Variants in CNTNAP2 observed in about 807,000 individuals in gnomAD.
The protein encoded by CNTNAP2 is contactin associated protein 2.
Under a neutral mutation model 155.2 loss-of-function variants are expected in CNTNAP2, and 98 were observed. The ratio of observed to expected loss-of-function variants is 0.63; its 90% CI spans 0.54 to 0.75. CNTNAP2 has a LOEUF of 0.75. Ranked by LOEUF, CNTNAP2 falls within the 30% of genes least tolerant of loss-of-function variation. CNTNAP2 has a pLI of 0.00. For synonymous variants in CNTNAP2, 651 were observed against 631.2 expected, an observed-to-expected ratio of 1.03 and a Z score of -0.47; for missense variants, 1,727 against 1,688.1, an observed-to-expected ratio of 1.02 and a Z score of -0.40.
intron 21 of CNTNAP2, among the ~76,000 whole-genome samples, chr7:148,272,185 C>T (rs1312844876): frequency 2.0e-5 from 3 of 152,136 alleles, no homozygotes; most frequent in Non-Finnish European, 4.4e-5. Flanking sequence ...ACTTTTAGAA[C>T]GGATTCTTAC....
chr7:148,208,197 G>A (rs771952407), intron 18 of CNTNAP2, among the ~76,000 whole-genome samples: 10 of 152,150 alleles, frequency 6.6e-5, no homozygotes, highest in African/African-American at 1.4e-4. Flanking sequence ...AAAAGGTTAC[G>A]AGGCAATGCA....
chr7:146,594,694 A>C (rs540638582), intron 1 of CNTNAP2, among the ~76,000 whole-genome samples: 3 of 152,228 alleles, frequency 2.0e-5, no homozygotes, highest in African/African-American at 7.2e-5. Context: ...AGATGCTTTA[A>C]AAATAAATTA....
chr7:146,564,766 A>T (rs1337213825), intron 1 of CNTNAP2, among the ~76,000 whole-genome samples: 1 of 151,698 alleles, frequency 6.6e-6, no homozygotes. Flanking sequence ...TTAGATTTAG[A>T]TCTTCTTTCT....
intron 17 of CNTNAP2, among the ~76,000 whole-genome samples, chr7:148,168,447 C>A (rs1296828692): frequency 1.3e-5 from 2 of 151,496 alleles, no homozygotes; most frequent in African/African-American, 2.4e-5. Context: ...TCATTCTCAG[C>A]AAACTGTTGC....
intron 3 of CNTNAP2, among the ~76,000 whole-genome samples, chr7:146,924,913 G>A (rs563592100): frequency 1.3e-5 from 2 of 152,160 alleles, no homozygotes; most frequent in African/African-American, 2.4e-5. Flanking sequence ...GCCAAGAATT[G>A]TGATTCCATA....
intron 1 of CNTNAP2, among the ~76,000 whole-genome samples, chr7:146,315,151 G>A (rs1055100326): frequency 6.6e-6 from 1 of 152,184 alleles, no homozygotes; most frequent in African/African-American, 2.4e-5. Flanking sequence ...GGGAACTGCT[G>A]TGAAGCCAAA....
Position 146,213,399 on chromosome 7 carries a change from A to G in CNTNAP2, c.97+96426A>G, listed in dbSNP as rs114723502. On this transcript the variant is annotated intron_variant, in intron 1 of 23. Transcript: ENST00000361727. The stretch of plus-strand genomic sequence containing the variant: ...ATTAGTGTTGAAAACTAAATAGATG[A>G]AATTGTAAAACCTACTTTACTTAAC... Among the ~76,000 whole-genome samples the G allele has an allele frequency of 5.4e-3, 829 of 152,308 alleles. 9 individuals carry two copies. Among genetic ancestry groups the G allele is most frequent in the African/African-American group, 0.019 (774 of 41,574 alleles).
At chr7:147,045,666 A>G (rs1182947767) in intron 4 of CNTNAP2, among the ~76,000 whole-genome samples, 3 of 152,192 alleles carry the variant, frequency 2.0e-5, no homozygotes, top group Non-Finnish European at 4.4e-5. Flanking sequence ...TGGTCTAGAC[A>G]TTCATGAACA....
At chr7:146,931,517 G>A (rs1012913291) in intron 3 of CNTNAP2, among the ~76,000 whole-genome samples, 41 of 150,402 alleles carry the variant, frequency 2.7e-4, no homozygotes, top group Admixed American at 1.1e-3. Flanking sequence ...TAACATCACA[G>A]TTAAAAGAAC....
intron 14 of CNTNAP2, among the ~76,000 whole-genome samples, chr7:147,926,420 A>T (rs1052007213): frequency 6.6e-6 from 1 of 152,202 alleles, no homozygotes; most frequent in African/African-American, 2.4e-5. Context: ...CATTCTATAA[A>T]ACTGTCAAAG....
At chr7:147,255,036 T>C (rs906098796) in intron 8 of CNTNAP2, among the ~76,000 whole-genome samples, 1 of 152,170 alleles carries the variant, frequency 6.6e-6, no homozygotes, top group African/African-American at 2.4e-5. Flanking sequence ...AAAATTATGA[T>C]GGGGAAAAAA....
chr7:147,364,191 T>G (rs1422278823), intron 9 of CNTNAP2, among the ~76,000 whole-genome samples: 1 of 152,226 alleles, frequency 6.6e-6, no homozygotes, highest in Non-Finnish European at 1.5e-5. Flanking sequence ...CTAGTCTACA[T>G]GCTGCTAAGA....
intron 13 of CNTNAP2, among the ~76,000 whole-genome samples, chr7:147,646,587 AT>A (rs5888278): frequency 6.0e-5 from 9 of 150,784 alleles, no homozygotes; most frequent in East Asian, 3.9e-4. Context: ...TTATGTACCA[AT>A]TTTTTTTTTC....
intron 1 of CNTNAP2, among the ~76,000 whole-genome samples, chr7:146,232,814 A>G (rs994168177): frequency 6.6e-6 from 1 of 152,118 alleles, no homozygotes; most frequent in Non-Finnish European, 1.5e-5. Flanking sequence ...GTTGACAAAA[A>G]CAATGTCAAA....
intron 1 of CNTNAP2, among the ~76,000 whole-genome samples, chr7:146,260,162 G>A (rs1799899744): frequency 6.6e-6 from 1 of 152,232 alleles, no homozygotes; most frequent in Non-Finnish European, 1.5e-5. Flanking sequence ...TAGAAGACAA[G>A]AGTTGAGTTT....
At position 146,145,701 on chromosome 7, in the gene CNTNAP2, G is replaced by GA. The variant is rs1797948201; in HGVS notation, c.97+28735dup. On this transcript the variant is annotated intron_variant, in intron 1 of 23. Coordinates refer to ENST00000361727, the MANE Select transcript of CNTNAP2 (RefSeq NM_014141.6). ...AGTTCTATTTCTAGGAATGGACTAG[G>GA]AAAAAAATCCCAGAGGAGAAACTCC... Among the ~76,000 whole-genome samples, 2 of 151,974 alleles carry GA rather than the reference G, an allele frequency of 1.3e-5. 1 individual carries two copies. The highest frequency in any genetic ancestry group is 4.8e-5 in the African/African-American group (2 of 41,368).
At chr7:146,889,269 C>T (rs938899384) in intron 3 of CNTNAP2, among the ~76,000 whole-genome samples, 2 of 152,002 alleles carry the variant, frequency 1.3e-5, no homozygotes, top group Admixed American at 1.3e-4. Context: ...TTAGATATTT[C>T]TTCCTAGGGT....
At chr7:147,238,680 G>T (rs538954349) in intron 8 of CNTNAP2, among the ~76,000 whole-genome samples, 1 of 152,218 alleles carries the variant, frequency 6.6e-6, no homozygotes, top group South Asian at 2.1e-4. Context: ...AGAAGCTTGA[G>T]ATCTAGTCCT....
At chr7:146,772,694 G>A (rs560182174) in intron 1 of CNTNAP2, among the ~76,000 whole-genome samples, 70 of 151,766 alleles carry the variant, frequency 4.6e-4, no homozygotes, top group African/African-American at 1.6e-3. Flanking sequence ...AGAAAAAAGA[G>A]GAAAGGGGCC....
Sources: gnomAD v4.1 joint callset for allele counts (sites outside exome capture counted in the v4.1 genomes callset) on GRCh38, gnomAD v4.1.1 for gene constraint, MANE v1.5 for transcripts, NCBI Gene and HGNC (gene_info 2026-07-23, HGNC 2026-07-21) for gene names.